Variants in SLC10A4 observed in about 807,000 individuals in gnomAD.
SLC10A4 encodes putative sodium/bile acid cotransporter 4.
SLC10A4 carries 17 observed loss-of-function variants against 22.5 expected under a neutral mutation model. The observed-to-expected ratio is 0.76, with a 90% CI of 0.52 to 1.14. SLC10A4 has a LOEUF of 1.14. SLC10A4 is among the 50% of genes most tolerant of loss of function. The pLI, the probability that SLC10A4 is intolerant of heterozygous loss-of-function variation, is 0.00. For synonymous variants in SLC10A4, 257 were observed against 258.2 expected (o/e 1.00, Z 0.04); for missense variants, 548 against 584.0 (o/e 0.94, Z 0.64).
Position 48,483,778 on chromosome 4 carries a change from C to T in SLC10A4, c.217C>T (p.Leu73Phe), listed in dbSNP as rs1355819043. The T allele has an allele frequency of 1.3e-6, 2 of 1,495,014 alleles. No homozygotes were observed. The highest frequency in any genetic ancestry group is 2.5e-5 in the South Asian group (2 of 78,894). The allele number at this position is 1,495,014 out of a possible 1,614,324, so 92.6% of individuals were successfully genotyped here. ...TPTPEPTTSGLAGGAASHGPS... is the reference protein window; with the variant it reads ...TPTPEPTTSGFAGGAASHGPS... ...GACCCCGGAGCCCACGACCAGCGGC[C>T]TCGCGGGCGGCGCGGCGAGCCACGG... Residue 73 changes from leucine to phenylalanine, a missense_variant, in exon 1 of 3, where the codon CTC becomes TTC. Leu to Phe is a conservative substitution (Grantham distance 22). This residue lies in a region of SLC10A4 where 225 missense variants were observed against 206.9 expected (regional missense o/e 1.09). Coordinates refer to ENST00000273861, the MANE Select transcript of SLC10A4 (RefSeq NM_152679.4). This position sits in a 1 kb window ranked among gnomAD's most constrained non-coding sequence, Gnocchi z 5.4.
chr4:48,489,008 A>C lies in SLC10A4; in HGVS notation c.*69A>C, dbSNP rs1718340321. 2.7e-6 allele frequency: 4 copies of C among 1,477,118 alleles called. No individual in the cohort carries two copies. The allele number at this position is 1,477,118 out of a possible 1,614,324, so 91.5% of individuals were successfully genotyped here. A position where few individuals can be genotyped will look rare whatever the true frequency, so the allele number is the denominator to read the frequency against. On this transcript the variant is annotated 3_prime_UTR_variant, in exon 3 of 3. Transcript: ENST00000273861. ...TCATATTTATAGCCTGTGGTAGTGC[A>C]CATGGTTAACATAAAAGATAACACT...
intron 2 of SLC10A4, among the ~76,000 whole-genome samples, 195 bp from the exon 3 acceptor site, chr4:48,488,232 T>C (rs1295441267): frequency 6.6e-6 from 1 of 150,384 alleles, no homozygotes; most frequent in African/African-American, 2.5e-5. Flanking sequence ...AGGACAGGCC[T>C]CCAAACAATC....
In SLC10A4 at chr4:48,483,969, C is replaced by T; in HGVS notation, c.408C>T (p.Pro136=). The change falls in exon 1 of 3, where the codon CCC becomes CCT. Residue 136 remains proline (P), a synonymous_variant. Coordinates refer to ENST00000273861, the MANE Select transcript of SLC10A4 (RefSeq NM_152679.4). This position sits in a 1 kb window ranked among gnomAD's most constrained non-coding sequence, Gnocchi z 5.4. ...VNHFGAHVRR[P]VGALLAALCQ... ...ACTTCGGGGCGCACGTCCGTCGGCC[C>T]GTGGGCGCGCTGCTGGCAGCGCTCT... is the stretch of plus-strand genomic sequence containing the variant. 1 of 1,551,808 alleles carries T rather than the reference C, an allele frequency of 6.4e-7. No individual in the cohort carries two copies. The highest frequency in any genetic ancestry group is 8.7e-7 in the Non-Finnish European group (1 of 1,150,638).
intron 2 of SLC10A4, among the ~76,000 whole-genome samples, chr4:48,487,870 T>C (rs1439489864): frequency 7.2e-6 from 1 of 138,960 alleles, no homozygotes. Flanking sequence ...AGTGGCGCGA[T>C]CTCTGCTCAC....
rs1007612941 is a variant in SLC10A4, at chr4:48,483,499, G to A, written c.-63G>A. 20 of 1,360,096 alleles carry A rather than the reference G, an allele frequency of 1.5e-5. No homozygotes were observed. Among genetic ancestry groups the A allele is most frequent in the South Asian group, 4.3e-5 (3 of 69,852 alleles). The allele number at this position is 1,360,096 out of a possible 1,614,324, so 84.3% of individuals were successfully genotyped here. The stretch of plus-strand genomic sequence containing the variant: ...CAGAACGACGGGCGGCGACTGCGGC[G>A]ACCGCGGGACGGCGAGAGGCACGCG... On this transcript the variant is annotated 5_prime_UTR_variant, in exon 1 of 3. Coordinates refer to ENST00000273861, the MANE Select transcript of SLC10A4 (RefSeq NM_152679.4). This position sits in a 1 kb window ranked among gnomAD's most constrained non-coding sequence, Gnocchi z 5.4.
At chr4:48,485,542 A>G (rs1232964730) in intron 2 of SLC10A4, among the ~76,000 whole-genome samples, 19 of 152,234 alleles carry the variant, frequency 1.2e-4, no homozygotes, top group Non-Finnish European at 2.8e-4. Flanking sequence ...ATGCATGGCT[A>G]TCTTTTCAAA....
rs748951307 is a variant in SLC10A4 at position 48,485,019 on chromosome 4, C to A, written c.678C>A (p.Thr226=). 6.2e-7 allele frequency: 1 copy of A among 1,614,084 alleles called. No homozygotes were observed. The change falls in exon 2 of 3, where the codon ACC becomes ACA. Residue 226 remains threonine, a synonymous_variant. Transcript: ENST00000273861. ...TCTACAGCTGGGCTTGGATCAACACCCCTATCGTGCAGTTACTACCCCTAG... is the reference window on the plus strand; with the variant it reads ...TCTACAGCTGGGCTTGGATCAACACACCTATCGTGCAGTTACTACCCCTAG... ...LWIYSWAWIN[T]PIVQLLPLGT...
In SLC10A4 at chr4:48,488,762, T is replaced by C; in HGVS notation, c.1137T>C (p.Val379=). ...AGTCTGCAGAAGCGGGGATTTTTGT[T>C]TTAATCTATAAAATGTATGGAAGTG... ...LFQSAEAGIF[V]LIYKMYGSEM... Residue 379 remains valine, a synonymous_variant, in exon 3 of 3, where the codon GTT becomes GTC. Coordinates refer to ENST00000273861, the MANE Select transcript of SLC10A4 (RefSeq NM_152679.4). 3.1e-6 allele frequency: 5 copies of C among 1,614,010 alleles called. No individual in the cohort carries two copies. The highest frequency in any genetic ancestry group is 4.2e-6 in the Non-Finnish European group (5 of 1,180,030).
At position 48,485,081 on chromosome 4, in the gene SLC10A4, C is replaced by G; in HGVS notation, c.740C>G (p.Pro247Arg). 1 of 1,614,072 alleles carries G rather than the reference C, an allele frequency of 6.2e-7. No homozygotes were observed. The highest frequency in any genetic ancestry group is 8.5e-7 in the Non-Finnish European group (1 of 1,180,014). Residue 247 changes from proline to arginine, a missense_variant, in exon 2 of 3, where the codon CCT (proline) becomes CGT (arginine). Around this residue, in one of 3 missense-constraint regions of SLC10A4, gnomAD observed 314 missense variants for 353.2 expected, o/e 0.89. Transcript: ENST00000273861. ...CTGACTCTCTGCAGCACTCTCATAC[C>G]TATCGGGTTGGGCGTCTTCATTCGC... ...VTLTLCSTLI[P>R]IGLGVFIRYK...
In SLC10A4 at chr4:48,483,622, C is replaced by A; in HGVS notation, c.61C>A (p.Leu21Met). ...FAPLLRDNYT[L>M]APNASSLGPG... ...CCCTCTGCTGCGGGACAACTACACC[C>A]TGGCGCCCAATGCCAGCAGCCTGGG... The change falls in exon 1 of 3, where the codon CTG (leucine) becomes ATG (methionine). Residue 21 changes from leucine (L) to methionine (M), a missense_variant. Physicochemically the swap from Leu to Met is conservative, Grantham distance 15. Transcript: ENST00000273861. This position sits in a 1 kb window ranked among gnomAD's most constrained non-coding sequence, Gnocchi z 5.4. 6.7e-7 allele frequency: 1 copy of A among 1,497,326 alleles called. No individual in the cohort carries two copies. Among genetic ancestry groups the A allele is most frequent in the South Asian group, 1.2e-5 (1 of 80,474 alleles). 92.8% of individuals were successfully genotyped at this position (1,497,326 alleles called of 1,614,324 possible).
chr4:48,488,485 T>A lies in SLC10A4; in HGVS notation c.860T>A (p.Met287Lys). The A allele has an allele frequency of 1.2e-6, 2 of 1,613,752 alleles. No homozygotes were observed. The highest frequency in any genetic ancestry group is 1.7e-6 in the Non-Finnish European group (2 of 1,179,940). The part of the protein sequence containing the change: ...LVVLFIMTGT[M>K]LGPELLASIP... ...GTCCTTTTCATAATGACCGGCACTA[T>A]GTTAGGACCTGAACTGCTGGCAAGT... The change falls in exon 3 of 3, where the codon ATG (methionine) becomes AAG (lysine). Residue 287 changes from methionine to lysine, a missense_variant. Transcript: ENST00000273861.
Position 48,483,749 on chromosome 4 carries a change from C to T in SLC10A4, c.188C>T (p.Thr63Ile), listed in dbSNP as rs901833336. The stretch of plus-strand genomic sequence containing the variant: ...AGCTTCGGCTTCAGCCCCGGCCCCA[C>T]TCCGACCCCGGAGCCCACGACCAGC... ...GPSFGFSPGP[T>I]PTPEPTTSGL... is the part of the protein sequence containing the mutation. The change falls in exon 1 of 3, where the codon ACT becomes ATT. Residue 63 changes from threonine to isoleucine, a missense_variant. Physicochemically the swap from Thr to Ile is moderately conservative, Grantham distance 89. Transcript: ENST00000273861. The surrounding 1 kb of genome is among the most constrained non-coding windows in gnomAD (Gnocchi z 5.4). 1 of 1,472,146 alleles carries T rather than the reference C, an allele frequency of 6.8e-7. No individual in the cohort carries two copies. Among genetic ancestry groups the T allele is most frequent in the Non-Finnish European group, 8.9e-7 (1 of 1,117,618 alleles). The allele number at this position is 1,472,146 out of a possible 1,614,324, so 91.2% of individuals were successfully genotyped here.
rs1429620241 is a variant in SLC10A4, at chr4:48,488,532, A to G, written c.907A>G (p.Ile303Val). The change falls in exon 3 of 3, where the codon ATA (isoleucine) becomes GTA (valine). Residue 303 changes from isoleucine to valine, a missense_variant. Around this residue, in one of 3 missense-constraint regions of SLC10A4, gnomAD observed 314 missense variants for 353.2 expected, o/e 0.89. Transcript: ENST00000273861. Reference protein sequence around the residue: ...LASIPAAVYVIAIFMPLAGYA... With the variant: ...LASIPAAVYVVAIFMPLAGYA... Reference sequence around the variant, plus strand: ...AAGTATCCCTGCAGCTGTTTATGTGATAGCAATTTTTATGCCTTTGGCAGG... The same window carrying G: ...AAGTATCCCTGCAGCTGTTTATGTGGTAGCAATTTTTATGCCTTTGGCAGG... 1.9e-6 allele frequency: 3 copies of G among 1,613,814 alleles called. No individual in the cohort carries two copies. The South Asian group carries it at 3.3e-5, about 18-fold the overall frequency.
In SLC10A4 at chr4:48,483,840, G is replaced by A; in HGVS notation, c.279G>A (p.Ala93=). The A allele has an allele frequency of 6.5e-7, 1 of 1,536,402 alleles. No homozygotes were observed. Among genetic ancestry groups the A allele is most frequent in the East Asian group, 2.5e-5 (1 of 40,614 alleles). The change falls in exon 1 of 3, where the codon GCG becomes GCA. Residue 93 remains alanine (A), a synonymous_variant. Transcript: ENST00000273861. The surrounding 1 kb of genome is among the most constrained non-coding windows in gnomAD (Gnocchi z 5.4). ...SPFPRPWAPH[A]LPFWDTPLNH... ...TCCCTCGGCCCTGGGCGCCCCACGC[G>A]CTCCCGTTCTGGGACACGCCGCTGA...
At chr4:48,487,408 TA>T (rs1215111787) in intron 2 of SLC10A4, among the ~76,000 whole-genome samples, 1 of 152,218 alleles carries the variant, frequency 6.6e-6, no homozygotes, top group African/African-American at 2.4e-5. Context: ...TTTTGAGGGT[TA>T]AAAAGATCAC....
rs1364198433 is a variant in SLC10A4, at chr4:48,483,722, C to T, written c.161C>T (p.Pro54Leu). Residue 54 changes from proline to leucine, a missense_variant, in exon 1 of 3, where the codon CCG (proline) becomes CTG (leucine). Transcript: ENST00000273861. This position sits in a 1 kb window ranked among gnomAD's most constrained non-coding sequence, Gnocchi z 5.4. ...PGPGLSLGPG[P>L]SFGFSPGPTP... The stretch of plus-strand genomic sequence containing the variant: ...CCTGGGCTCAGCCTCGGGCCGGGTC[C>T]GAGCTTCGGCTTCAGCCCCGGCCCC... 2.8e-6 allele frequency: 4 copies of T among 1,433,738 alleles called. No individual in the cohort carries two copies. Among genetic ancestry groups the T allele is most frequent in the Admixed American group, 3.0e-5 (1 of 33,228 alleles). 88.8% of individuals were successfully genotyped at this position (1,433,738 alleles called of 1,614,324 possible). A position where few individuals can be genotyped will look rare whatever the true frequency, so the allele number is the denominator to read the frequency against.
chr4:48,484,152 G>A lies in SLC10A4; in HGVS notation c.590+1G>A. On this transcript the variant is annotated splice_donor_variant, in intron 1 of 2. Coordinates refer to ENST00000273861, the MANE Select transcript of SLC10A4 (RefSeq NM_152679.4). LOFTEE classifies it high-confidence loss of function. Reference sequence around the variant, plus strand: ...TGGTTGACGGCGACATGAACCTCAGGTACGGATCTGTCTATTCCTTGGGCA... The same window carrying A: ...TGGTTGACGGCGACATGAACCTCAGATACGGATCTGTCTATTCCTTGGGCA... The A allele has an allele frequency of 6.4e-7, 1 of 1,566,576 alleles. No homozygotes were observed. The highest frequency in any genetic ancestry group is 8.7e-7 in the Non-Finnish European group (1 of 1,153,890).
Position 48,485,125 on chromosome 4 carries a change from G to T in SLC10A4, c.784G>T (p.Ala262Ser). 1 of 1,614,102 alleles carries T rather than the reference G, an allele frequency of 6.2e-7. No individual in the cohort carries two copies. The highest frequency in any genetic ancestry group is 8.5e-7 in the Non-Finnish European group (1 of 1,180,014). Reference sequence around the variant, plus strand: ...CATTCGCTACAAATACAGCCGGGTGGCTGACTACATTGTGAAGGTAAGGCC... The same window carrying T: ...CATTCGCTACAAATACAGCCGGGTGTCTGACTACATTGTGAAGGTAAGGCC... Reference protein sequence around the residue: ...VFIRYKYSRVADYIVKVSLWS... With the variant: ...VFIRYKYSRVSDYIVKVSLWS... Residue 262 changes from alanine to serine, a missense_variant, in exon 2 of 3, where the codon GCT becomes TCT. Physicochemically the swap from Ala to Ser is moderately conservative, Grantham distance 99. Transcript: ENST00000273861.
chr4:48,484,134 C>G lies in SLC10A4; in HGVS notation c.573C>G (p.Asp191Glu). 6.3e-7 allele frequency: 1 copy of G among 1,579,746 alleles called. No homozygotes were observed. The highest frequency in any genetic ancestry group is 8.6e-7 in the Non-Finnish European group (1 of 1,160,132). The change falls in exon 1 of 3, where the codon GAC (aspartate) becomes GAG (glutamate). Residue 191 changes from aspartate to glutamate, a missense_variant. Physicochemically the swap from Asp to Glu is conservative, Grantham distance 45. Around this residue, in one of 3 missense-constraint regions of SLC10A4, gnomAD observed 314 missense variants for 353.2 expected, o/e 0.89. Transcript: ENST00000273861. ...CCAATCTTATGTCCCTGCTGGTTGA[C>G]GGCGACATGAACCTCAGGTACGGAT... is the stretch of plus-strand genomic sequence containing the variant. ...NLSNLMSLLVDGDMNLSIIMT... is the reference protein window; with the variant it reads ...NLSNLMSLLVEGDMNLSIIMT...
Sources: allele counts gnomAD v4.1 joint callset (sites outside exome capture counted in the v4.1 genomes callset), GRCh38; gene constraint gnomAD v4.1.1; regional missense constraint gnomAD v4.1.1; non-coding constraint Gnocchi (gnomAD v3.1); transcripts MANE v1.5; gene names NCBI Gene and HGNC (gene_info 2026-07-23, HGNC 2026-07-21).